Variants in SYNE1 observed in about 807,000 individuals in gnomAD.
SYNE1 encodes nesprin-1.
In SYNE1, 616 loss-of-function variants were observed where a neutral mutation model predicts 1,111.0. That is an observed-to-expected ratio of 0.55 (90% CI 0.52 to 0.59). The LOEUF is 0.59. Ranked by LOEUF, SYNE1 falls within the 20% of genes least tolerant of loss-of-function variation. The pLI is 0.00. For missense variants in SYNE1, 10,006 were observed against 10,417.0 expected (o/e 0.96, Z 1.72); for synonymous variants, 3,855 against 3,825.8 (o/e 1.01, Z -0.28).
chr6:152,323,921 C>T (rs561482680), intron 81 of SYNE1, among the ~76,000 whole-genome samples, 184 bp from the exon 82 acceptor site: 1 of 152,072 alleles, frequency 6.6e-6, no homozygotes, highest in South Asian at 2.1e-4. Flanking sequence ...ACCTCTATAC[C>T]TCTGGGTTTA....
At chr6:152,335,764 A>G (rs1370921331) in intron 76 of SYNE1, 1 of 152,058 alleles carries the variant, frequency 6.6e-6, no homozygotes, top group East Asian at 1.9e-4. Context: ...ATCATGGCTC[A>G]CTGCAACCTC....
rs2096807601 is a variant in SYNE1 at position 152,354,944 on chromosome 6, G to C, written c.10641C>G (p.Ala3547=). Residue 3547 remains alanine (A), a synonymous_variant, in exon 67 of 146, where the codon GCC becomes GCG. Coordinates refer to ENST00000367255, the MANE Select transcript of SYNE1 (RefSeq NM_182961.4). ...ELQVHCAEGQ[A]LLNSVLHTRE... ...TGGTGTGCAGCACTGAGTTCAACAG[G>C]GCCTGCCCCTCTGCACAGTGTACCT... The C allele has an allele frequency of 6.2e-7, 1 of 1,613,994 alleles. No individual in the cohort carries two copies. Among genetic ancestry groups the C allele is most frequent in the Non-Finnish European group, 8.5e-7 (1 of 1,180,012 alleles).
intron 98 of SYNE1, among the ~76,000 whole-genome samples, chr6:152,277,129 A>G (rs1187044788): frequency 6.6e-6 from 1 of 151,406 alleles, no homozygotes; most frequent in African/African-American, 2.4e-5. Flanking sequence ...TGACTTCATG[A>G]TCTGCCAGCC....
chr6:152,396,750 A>C, intron 50 of SYNE1, 25 bp downstream of exon 50: 1 of 1,605,632 alleles, frequency 6.2e-7, no homozygotes, highest in Non-Finnish European at 8.5e-7. Flanking sequence ...GTATGATGAA[A>C]TCTATGTTTG....
intron 91 of SYNE1, among the ~76,000 whole-genome samples, chr6:152,306,248 G>A (rs1386904369): frequency 6.6e-6 from 1 of 152,136 alleles, no homozygotes; most frequent in Admixed American, 6.6e-5. Context: ...CACTTTGGGA[G>A]GCCAAGGTAG....
chr6:152,211,445 G>T, intron 124 of SYNE1, 49 bp downstream of exon 124: 5 of 1,508,230 alleles, frequency 3.3e-6, no homozygotes, highest in Middle Eastern at 1.7e-4. Context: ...AAAAGAAAAT[G>T]ACTAATTTAC....
chr6:152,220,992 T>C lies in SYNE1; in HGVS notation c.21711A>G (p.Leu7237=), dbSNP rs2080051130. ...CCTTGTATCTTTGCCAAAGCTGAAGTAGGGCCTTGCTGGACTGTAGCTGCT... is the reference window on the plus strand; with the variant it reads ...CCTTGTATCTTTGCCAAAGCTGAAGCAGGGCCTTGCTGGACTGTAGCTGCT... ...IAEQLQSSKA[L]LQLWQRYKDY... is the part of the protein sequence containing the mutation. Residue 7237 remains leucine, a synonymous_variant, in exon 119 of 146, where the codon CTA becomes CTG. Transcript: ENST00000367255. 4 of 1,614,144 alleles carry C rather than the reference T, an allele frequency of 2.5e-6. No individual in the cohort carries two copies. Among genetic ancestry groups the C allele is most frequent in the Middle Eastern group, 1.6e-4 (1 of 6,062 alleles).
intron 111 of SYNE1, 141 bp from the exon 112 acceptor site, chr6:152,234,104 A>C (rs1250087924): frequency 1.1e-6 from 1 of 923,718 alleles, no homozygotes; most frequent in Non-Finnish European, 1.7e-6. Flanking sequence ...AAATGAAAGC[A>C]GTACACCCTT....
At chr6:152,564,948 C>A (rs2099407698) in intron 3 of SYNE1, among the ~76,000 whole-genome samples, 1 of 152,170 alleles carries the variant, frequency 6.6e-6, no homozygotes, top group African/African-American at 2.4e-5. Context: ...TATGTAAATG[C>A]TGTGTCCAAC....
chr6:152,140,799 C>G, intron 139 of SYNE1, among the ~76,000 whole-genome samples: 1 of 152,126 alleles, frequency 6.6e-6, no homozygotes. Flanking sequence ...TTTGGGAGGC[C>G]GAGGCGGGTG....
chr6:152,494,342 A>G (rs1179441138), intron 11 of SYNE1, among the ~76,000 whole-genome samples: 2 of 152,014 alleles, frequency 1.3e-5, no homozygotes, highest in Non-Finnish European at 2.9e-5. Context: ...CTCCCACATT[A>G]TTCCTGCTAC....
At position 152,281,828 on chromosome 6, in the gene SYNE1, C is replaced by T. The variant is rs1387669649; in HGVS notation, c.18360G>A (p.Glu6120=). 6.2e-7 allele frequency: 1 copy of T among 1,614,056 alleles called. No individual in the cohort carries two copies. Among genetic ancestry groups the T allele is most frequent in the Non-Finnish European group, 8.5e-7 (1 of 1,180,032 alleles). Residue 6120 remains glutamate, a synonymous_variant, in exon 97 of 146, where the codon GAG becomes GAA. Transcript: ENST00000367255. ...GTACCTGGCAGTCCATAAGCTGGGC[C>T]TCCATGTCCATGGGCTCCTTGGGTG... ...LSPPKEPMDM[E]AQLMDCQNML...
chr6:152,229,961 G>C (rs2153506347), intron 115 of SYNE1, among the ~76,000 whole-genome samples: 1 of 152,220 alleles, frequency 6.6e-6, no homozygotes, highest in Middle Eastern at 3.4e-3. Flanking sequence ...GATATATATT[G>C]TATGTAAGAA....
At chr6:152,332,348 A>T (rs894897705) in intron 77 of SYNE1, among the ~76,000 whole-genome samples, 1 of 152,216 alleles carries the variant, frequency 6.6e-6, no homozygotes, top group Non-Finnish European at 1.5e-5. Flanking sequence ...TGGTTTGTTG[A>T]CAGAAGTGCT....
At chr6:152,131,633 T>C (rs963440756) in intron 144 of SYNE1, among the ~76,000 whole-genome samples, 1 of 152,126 alleles carries the variant, frequency 6.6e-6, no homozygotes, top group South Asian at 2.1e-4. Context: ...GTGGCACAAC[T>C]GCCGCAAACC....
intron 6 of SYNE1, among the ~76,000 whole-genome samples, chr6:152,512,351 G>A (rs370131534): frequency 7.2e-5 from 11 of 152,052 alleles, no homozygotes; most frequent in African/African-American, 2.7e-4. Flanking sequence ...AGTATAAGAC[G>A]TTTAAGATAT....
At chr6:152,361,845 T>TA (rs71749478) in intron 64 of SYNE1, among the ~76,000 whole-genome samples, 10,914 of 137,604 alleles carry the variant, frequency 0.079, 487 homozygotes, top group Middle Eastern at 0.15. Flanking sequence ...AGGGATGTGA[T>TA]AAAAAAAAAA....
intron 104 of SYNE1, among the ~76,000 whole-genome samples, chr6:152,249,546 C>T (rs981401049): frequency 1.2e-4 from 19 of 152,218 alleles, no homozygotes; most frequent in African/African-American, 3.9e-4. Flanking sequence ...TCATTACATC[C>T]GAAATAAATG....
chr6:152,269,503 C>G (rs1214407695), intron 98 of SYNE1, among the ~76,000 whole-genome samples: 1 of 152,120 alleles, frequency 6.6e-6, no homozygotes, highest in Non-Finnish European at 1.5e-5. Context: ...ACACATAGAA[C>G]TGTTTGAGGG....
Sources: allele counts gnomAD v4.1 joint callset (sites outside exome capture counted in the v4.1 genomes callset), GRCh38; gene constraint gnomAD v4.1.1; transcripts MANE v1.5; gene names NCBI Gene and HGNC (gene_info 2026-07-23, HGNC 2026-07-21).